EPB41L2: variants seen among roughly 807,000 people sequenced by gnomAD.
EPB41L2 encodes erythrocyte membrane protein band 4.1 like 2.
In EPB41L2, 43 loss-of-function variants were observed where a neutral mutation model predicts 113.0. The ratio of observed to expected loss-of-function variants is 0.38; its 90% CI spans 0.30 to 0.49. EPB41L2 has a LOEUF of 0.49. Among genes scored for constraint, EPB41L2 ranks in the 20% least tolerant of loss-of-function variants. EPB41L2 has a pLI of 0.95. For synonymous variants in EPB41L2, 442 were observed against 436.7 expected (o/e 1.01, Z -0.15); for missense variants, 1,147 against 1,223.4 (o/e 0.94, Z 0.93).
At chr6:130,978,119 C>T (rs1446485724) in intron 1 of EPB41L2, among the ~76,000 whole-genome samples, 1 of 152,208 alleles carries the variant, frequency 6.6e-6, no homozygotes, top group Non-Finnish European at 1.5e-5. Context: ...TACTTTAAAA[C>T]AGCCACCACC....
chr6:130,884,070 C>A (rs1790131966), intron 12 of EPB41L2, among the ~76,000 whole-genome samples: 1 of 152,208 alleles, frequency 6.6e-6, no homozygotes, highest in South Asian at 2.1e-4. Flanking sequence ...CTCAGTGGCT[C>A]ATACCTGTAA....
chr6:131,008,935 C>A (rs965964619), intron 1 of EPB41L2, among the ~76,000 whole-genome samples: 2 of 152,074 alleles, frequency 1.3e-5, no homozygotes, highest in African/African-American at 4.8e-5. Flanking sequence ...AAGGGATTTG[C>A]CTTGTCTCAG....
At chr6:131,029,391 TAAAA>T (rs757528439) in intron 1 of EPB41L2, among the ~76,000 whole-genome samples, 17 of 119,464 alleles carry the variant, frequency 1.4e-4, no homozygotes, top group African/African-American at 4.6e-4. Context: ...AGCATTTGTT[TAAAA>T]AAAAAAAAAA....
chr6:130,978,178 C>A (rs1038813220), intron 1 of EPB41L2, among the ~76,000 whole-genome samples: 1 of 152,184 alleles, frequency 6.6e-6, no homozygotes, highest in Non-Finnish European at 1.5e-5. Flanking sequence ...CGTGTAAACA[C>A]AAAGCTTTTA....
chr6:130,930,402 T>C (rs568993475), intron 3 of EPB41L2, among the ~76,000 whole-genome samples: 25 of 152,314 alleles, frequency 1.6e-4, no homozygotes, highest in African/African-American at 5.5e-4. Context: ...GCCAACATTA[T>C]GCTCAAAGAA....
At chr6:130,900,795 G>A (rs1365520979) in intron 7 of EPB41L2, among the ~76,000 whole-genome samples, 167 bp downstream of exon 7, 1 of 152,184 alleles carries the variant, frequency 6.6e-6, no homozygotes, top group Non-Finnish European at 1.5e-5. Flanking sequence ...TAAAAATAAT[G>A]AAAGGATACC....
chr6:131,037,581 T>C (rs530501734), intron 1 of EPB41L2, among the ~76,000 whole-genome samples: 3 of 131,898 alleles, frequency 2.3e-5, no homozygotes, highest in South Asian at 5.0e-4. Context: ...TTTGAAAACC[T>C]AAAATTTTTT....
chr6:130,952,299 T>C (rs1384252595), intron 3 of EPB41L2, among the ~76,000 whole-genome samples: 1 of 136,618 alleles, frequency 7.3e-6, no homozygotes, highest in African/African-American at 2.5e-5. Context: ...ATTCCGCCAC[T>C]AGGTATCTAC....
chr6:131,053,925 G>C (rs898531682), intron 1 of EPB41L2, among the ~76,000 whole-genome samples: 3 of 152,198 alleles, frequency 2.0e-5, no homozygotes, highest in African/African-American at 7.2e-5. Flanking sequence ...ACAACGGGAG[G>C]CACAGGAAAC....
intron 1 of EPB41L2, among the ~76,000 whole-genome samples, chr6:130,965,037 T>C (rs1020433126): frequency 5.1e-4 from 77 of 152,222 alleles, no homozygotes; most frequent in African/African-American, 1.8e-3. Context: ...CCACTACCTT[T>C]TGGGGCTTTA....
intron 1 of EPB41L2, among the ~76,000 whole-genome samples, chr6:131,018,750 T>C (rs1164539071): frequency 1.3e-5 from 2 of 152,216 alleles, no homozygotes; most frequent in Admixed American, 1.3e-4. Context: ...TTTTTTTATA[T>C]AGACCAATCA....
In EPB41L2 at chr6:130,851,707, G is replaced by A. The variant is rs149181978; in HGVS notation, c.*5+6424C>T. On this transcript the variant is annotated intron_variant, in intron 19 of 19. Transcript: ENST00000337057. ...TGAAACAGCTCTGACAAAGCCTCCA[G>A]GCTGACTTCTGTTCATCAATTTCCA... Among the ~76,000 whole-genome samples the A allele has an allele frequency of 5.1e-3, 772 of 152,350 alleles. 5 individuals are homozygous for A. The highest frequency in any genetic ancestry group is 0.018 in the African/African-American group (733 of 41,572).
chr6:130,878,785 G>GT (rs927048873), intron 13 of EPB41L2, among the ~76,000 whole-genome samples: 2 of 152,162 alleles, frequency 1.3e-5, no homozygotes, highest in East Asian at 1.9e-4. Flanking sequence ...AAAAGCCAAG[G>GT]TTTTTTGTTT....
chr6:130,934,828 T>C (rs1413541088), intron 3 of EPB41L2, among the ~76,000 whole-genome samples: 1 of 151,820 alleles, frequency 6.6e-6, no homozygotes, highest in Non-Finnish European at 1.5e-5. Context: ...TGAAAAATTT[T>C]TTTCAAACTT....
chr6:130,969,268 C>G (rs375416586), intron 1 of EPB41L2, among the ~76,000 whole-genome samples: 83 of 152,122 alleles, frequency 5.5e-4, no homozygotes, highest in African/African-American at 1.9e-3. Flanking sequence ...GTACCCCCCT[C>G]AAAATACCAT....
At chr6:130,932,492 A>C (rs1807235264) in intron 3 of EPB41L2, among the ~76,000 whole-genome samples, 1 of 152,242 alleles carries the variant, frequency 6.6e-6, no homozygotes, top group African/African-American at 2.4e-5. Context: ...ATTGCCCCAG[A>C]TAAAGAGAAC....
At chr6:131,001,655 TG>T (rs1283132677) in intron 1 of EPB41L2, among the ~76,000 whole-genome samples, 3 of 152,146 alleles carry the variant, frequency 2.0e-5, no homozygotes, top group African/African-American at 7.2e-5. Context: ...CTTTGCAAAA[TG>T]ACATTCAGAA....
At chr6:130,894,812 T>C (rs553537801) in intron 9 of EPB41L2, among the ~76,000 whole-genome samples, 155 bp downstream of exon 9, 1 of 152,294 alleles carries the variant, frequency 6.6e-6, no homozygotes, top group Admixed American at 6.5e-5. Context: ...GACGTATATA[T>C]ACTGCAATTT....
At chr6:130,889,580 T>C (rs545157857) in intron 11 of EPB41L2, among the ~76,000 whole-genome samples, 12 of 152,204 alleles carry the variant, frequency 7.9e-5, no homozygotes, top group Non-Finnish European at 1.8e-4. Flanking sequence ...TCTCATAAGA[T>C]GGAAAGTTTG....
Sources: allele counts gnomAD v4.1 joint callset (sites outside exome capture counted in the v4.1 genomes callset), GRCh38; gene constraint gnomAD v4.1.1; transcripts MANE v1.5; gene names NCBI Gene and HGNC (gene_info 2026-07-23, HGNC 2026-07-21).